The following GREB1 variants were observed in gnomAD, a reference collection of about 807,000 sequenced individuals.
GREB1 encodes the protein growth regulating estrogen receptor binding 1, also known as protein GREB1.
A neutral mutation model predicts 200.7 loss-of-function variants in GREB1; 106 were observed. That is an observed-to-expected ratio of 0.53 (90% CI 0.45 to 0.62). The LOEUF (loss-of-function observed/expected upper bound fraction) is 0.62, where lower values mean the gene tolerates loss of function less well. GREB1 is among the 20% of genes least tolerant of loss of function. The pLI, the probability that GREB1 is intolerant of heterozygous loss-of-function variation, is 0.00. For synonymous variants in GREB1, 1,132 were observed against 1,092.4 expected, an observed-to-expected ratio of 1.04 and a Z score of -0.72; for missense variants, 2,243 against 2,556.8, an observed-to-expected ratio of 0.88 and a Z score of 2.65.
upstream of GREB1, among the ~76,000 whole-genome samples, chr2:11,532,899 G>A (rs1674128414): frequency 6.6e-6 from 1 of 152,130 alleles, no homozygotes; most frequent in South Asian, 2.1e-4. Flanking sequence ...TTACGGTCCT[G>A]GTGTCATGGA....
At chr2:11,486,203 T>C (rs879496598) in intron 1 of GREB1, among the ~76,000 whole-genome samples, 2 of 152,214 alleles carry the variant, frequency 1.3e-5, no homozygotes, top group Non-Finnish European at 2.9e-5. Context: ...TCCTTCATAA[T>C]GACGCCAGGC....
chr2:11,599,949 C>T (rs937844251), intron 15 of GREB1, among the ~76,000 whole-genome samples: 1 of 152,188 alleles, frequency 6.6e-6, no homozygotes, highest in African/African-American at 2.4e-5. Flanking sequence ...TGGTCATCTC[C>T]GTGAGACTGG....
chr2:11,606,696 T>C (rs1682324498), intron 17 of GREB1, among the ~76,000 whole-genome samples: 1 of 151,694 alleles, frequency 6.6e-6, no homozygotes, highest in African/African-American at 2.4e-5. Flanking sequence ...TAGTTGAGTC[T>C]TGCTTTTTAA....
intron 1 of GREB1, chr2:11,542,832 T>TA (rs1294059640): frequency 6.6e-6 from 1 of 152,574 alleles, no homozygotes; most frequent in Non-Finnish European, 1.5e-5. Flanking sequence ...GTTCAGGTAA[T>TA]ACCTGGGGCA....
chr2:11,570,994 C>T (rs1285405883), intron 4 of GREB1, among the ~76,000 whole-genome samples: 2 of 152,154 alleles, frequency 1.3e-5, no homozygotes, highest in African/African-American at 4.8e-5. Flanking sequence ...GTCATTTCTA[C>T]ACTTGAGCTG....
intron 24 of GREB1, among the ~76,000 whole-genome samples, chr2:11,626,324 A>G (rs1387410031): frequency 6.6e-6 from 1 of 152,118 alleles, no homozygotes; most frequent in Admixed American, 6.5e-5. Flanking sequence ...GTGGTGGCTC[A>G]CGCCTGTAAT....
At chr2:11,509,122 G>A in intron 1 of GREB1, among the ~76,000 whole-genome samples, 1 of 2,310 alleles carries the variant, frequency 4.3e-4, no homozygotes, top group South Asian at 0.031. Flanking sequence ...TGATCCACCT[G>A]CCTTGGCCTC....
At chr2:11,508,373 T>G (rs1305555426) in intron 1 of GREB1, among the ~76,000 whole-genome samples, 1 of 152,266 alleles carries the variant, frequency 6.6e-6, no homozygotes, top group African/African-American at 2.4e-5. Flanking sequence ...AGGCTGGCGT[T>G]GGAATATTTC....
chr2:11,587,687 A>G (rs918848123), intron 9 of GREB1: 304 of 1,298,830 alleles, frequency 2.3e-4, no homozygotes, highest in Non-Finnish European at 2.7e-4. Flanking sequence ...TACCTGGAGT[A>G]CAAGATAACA....
rs145278510 is a variant in GREB1 at position 11,624,597 on chromosome 2, G to A, written c.4148-557G>A. On this transcript the variant is annotated intron_variant, in intron 23 of 32. Coordinates refer to ENST00000381486, the MANE Select transcript of GREB1 (RefSeq NM_014668.4). ...TGACCCTAGGTGATCCACCTGCCTC[G>A]GCCTCCCAAAGTGCTGGGATTACAG... is the stretch of plus-strand genomic sequence containing the variant. Among the ~76,000 whole-genome samples, 1,265 of 151,444 alleles carry A rather than the reference G, an allele frequency of 8.4e-3. 24 individuals carry two copies. The highest frequency in any genetic ancestry group is 0.029 in the African/African-American group (1,195 of 41,248).
At chr2:11,530,003 G>A (rs1288369153), upstream of GREB1, among the ~76,000 whole-genome samples, 1 of 152,154 alleles carries the variant, frequency 6.6e-6, no homozygotes, top group Admixed American at 6.5e-5. Context: ...CAGAGGTACT[G>A]AAATAGAATC....
chr2:11,624,870 G>T (rs778126366), intron 23 of GREB1, among the ~76,000 whole-genome samples: 1 of 151,948 alleles, frequency 6.6e-6, no homozygotes, highest in Non-Finnish European at 1.5e-5. Flanking sequence ...TATTTTATGT[G>T]TGGCCCAAGA....
At chr2:11,522,970 A>G (rs1488605555) in intron 1 of GREB1, among the ~76,000 whole-genome samples, 1 of 152,216 alleles carries the variant, frequency 6.6e-6, no homozygotes, top group Non-Finnish European at 1.5e-5. Context: ...TATGGAATCA[A>G]CCTAGATGCC....
intron 8 of GREB1, 64 bp downstream of exon 8, chr2:11,585,338 TTGTG>T (rs1217288872): frequency 6.9e-6 from 7 of 1,008,514 alleles, no homozygotes; most frequent in Non-Finnish European, 1.0e-5. Flanking sequence ...CTGCTGCCAG[TTGTG>T]TGTATGTGTG....
In GREB1 at chr2:11,589,066, G is replaced by A. The variant is rs1158972745; in HGVS notation, c.1345+135G>A. The A allele has an allele frequency of 6.8e-5, 47 of 686,468 alleles. No homozygotes were observed. In the East Asian group the frequency reaches 1.2e-3, roughly 18 times the overall value. The allele number at this position is 686,468 out of a possible 1,614,324, so 42.5% of individuals were successfully genotyped here. ...ATGGGGAGAGCTTATGGCTTCACTGGCGGGACGTCATGAAGTCACTGTGGG... is the reference window on the plus strand; with the variant it reads ...ATGGGGAGAGCTTATGGCTTCACTGACGGGACGTCATGAAGTCACTGTGGG... On this transcript the variant is annotated intron_variant, in intron 10 of 32. Transcript: ENST00000381486.
chr2:11,609,837 C>A (rs1682756537), intron 17 of GREB1, among the ~76,000 whole-genome samples: 1 of 152,222 alleles, frequency 6.6e-6, no homozygotes, highest in Admixed American at 6.5e-5. Flanking sequence ...GTATGGTACT[C>A]ATTTTTGTAG....
intron 1 of GREB1, among the ~76,000 whole-genome samples, chr2:11,516,525 A>T (rs1400777817): frequency 1.3e-5 from 2 of 152,078 alleles, no homozygotes; most frequent in Admixed American, 6.5e-5. Context: ...CAGTGTTTCC[A>T]TTTGGCCTCG....
intron 9 of GREB1, chr2:11,587,807 C>T: frequency 1.9e-6 from 2 of 1,078,772 alleles, no homozygotes; most frequent in Non-Finnish European, 1.1e-6. Flanking sequence ...CCTGGTTTTA[C>T]AAATGCGGAG....
rs773205060 is a variant in GREB1, at chr2:11,493,750, C to T, written c.-159+11369C>T. ...AGTCAGTTCTTTTGACCAGTAAGTC[C>T]TTATTGAATGTTTGCTCTGTGCCAG... On this transcript the variant is annotated intron_variant, in intron 1 of 2. Coordinates refer to the GREB1 transcript ENST00000628795. The surrounding 1 kb of genome is among the most constrained non-coding windows in gnomAD (Gnocchi z 4.6). Among the ~76,000 whole-genome samples, 38 of 152,084 alleles carry T rather than the reference C, an allele frequency of 2.5e-4. No homozygotes were observed. Among genetic ancestry groups the T allele is most frequent in the Admixed American group, 2.4e-3 (37 of 15,278 alleles).
Sources: allele counts gnomAD v4.1 joint callset (sites outside exome capture counted in the v4.1 genomes callset), GRCh38; gene constraint gnomAD v4.1.1; non-coding constraint Gnocchi (gnomAD v3.1); transcripts MANE v1.5; gene names NCBI Gene and HGNC (gene_info 2026-07-23, HGNC 2026-07-21).